Variants in CAPZA1 observed in about 807,000 individuals in gnomAD.
CAPZA1 encodes F-actin-capping protein subunit alpha-1.
Under a neutral mutation model 40.8 loss-of-function variants are expected in CAPZA1, and 10 were observed. That is an observed-to-expected ratio of 0.25 (90% CI 0.15 to 0.42). CAPZA1 has a LOEUF of 0.42. Ranked by LOEUF, CAPZA1 falls within the 10% of genes least tolerant of loss-of-function variation. CAPZA1 has a pLI of 1.00. For synonymous variants in CAPZA1, 98 were observed against 115.0 expected, an observed-to-expected ratio of 0.85 and a Z score of 0.95; for missense variants, 277 against 353.8, an observed-to-expected ratio of 0.78 and a Z score of 1.74.
At chr1:112,665,516 T>TATACCTTAGCAGAA in intron 7 of CAPZA1, among the ~76,000 whole-genome samples, 1 of 152,142 alleles carries the variant, frequency 6.6e-6, no homozygotes, top group Non-Finnish European at 1.5e-5. Context: ...CTTAGACTGG[T>TATACCTTAGCAGAA]ATACCTTAGC....
chr1:112,625,685 A>G (rs1418027173), intron 1 of CAPZA1, among the ~76,000 whole-genome samples: 1 of 152,198 alleles, frequency 6.6e-6, no homozygotes, highest in Non-Finnish European at 1.5e-5. Context: ...ACCCAGAAAC[A>G]TTGTGTTCAC....
chr1:112,636,809 T>C (rs1671029759), intron 1 of CAPZA1, among the ~76,000 whole-genome samples: 1 of 152,222 alleles, frequency 6.6e-6, no homozygotes, highest in South Asian at 2.1e-4. Flanking sequence ...ATCTGTATTG[T>C]AGCAAAGATA....
intron 1 of CAPZA1, among the ~76,000 whole-genome samples, chr1:112,635,142 G>A (rs1670990315): frequency 6.6e-6 from 1 of 152,094 alleles, no homozygotes; most frequent in Non-Finnish European, 1.5e-5. Flanking sequence ...TATTTTAGGT[G>A]CTATGATAAG....
intron 1 of CAPZA1, among the ~76,000 whole-genome samples, chr1:112,621,484 T>G (rs1013085845): frequency 1.3e-5 from 2 of 152,156 alleles, no homozygotes; most frequent in Non-Finnish European, 2.9e-5. Flanking sequence ...ACTCTTGGGC[T>G]CAAACGATCC....
At chr1:112,666,896 G>T in intron 7 of CAPZA1, 178 bp from the exon 8 acceptor site, 1 of 550,426 alleles carries the variant, frequency 1.8e-6, no homozygotes, top group South Asian at 2.6e-5. Context: ...TTAAACTTAA[G>T]TGTTCTGTGG....
intron 3 of CAPZA1, among the ~76,000 whole-genome samples, chr1:112,651,713 TA>T (rs1437033058): frequency 7.2e-5 from 11 of 151,916 alleles, no homozygotes; most frequent in African/African-American, 2.7e-4. Flanking sequence ...TTTTTTAAAC[TA>T]ACATTTATTC....
chr1:112,658,551 CT>C (rs1480526826), intron 5 of CAPZA1, among the ~76,000 whole-genome samples: 3 of 152,184 alleles, frequency 2.0e-5, no homozygotes, highest in Non-Finnish European at 4.4e-5. Flanking sequence ...TCATGTTTTG[CT>C]GTCTCTCCAT....
intron 1 of CAPZA1, among the ~76,000 whole-genome samples, chr1:112,635,157 C>A (rs1670990539): frequency 6.6e-6 from 1 of 152,032 alleles, no homozygotes; most frequent in African/African-American, 2.4e-5. Context: ...GATAAGCATT[C>A]AAATACACTT....
At chr1:112,667,924 T>TCTTA (rs1671756085) in intron 8 of CAPZA1, among the ~76,000 whole-genome samples, 2 of 152,148 alleles carry the variant, frequency 1.3e-5, no homozygotes, top group African/African-American at 4.8e-5. Flanking sequence ...TAGAAGTTAT[T>TCTTA]GAGTACCCCC....
intron 1 of CAPZA1, among the ~76,000 whole-genome samples, chr1:112,623,767 C>T (rs1670734574): frequency 6.6e-6 from 1 of 150,982 alleles, no homozygotes; most frequent in South Asian, 2.1e-4. Flanking sequence ...GCGGGTGGAT[C>T]ACGAGGTCAG....
intron 4 of CAPZA1, among the ~76,000 whole-genome samples, 179 bp downstream of exon 4, chr1:112,653,840 A>G (rs1438889313): frequency 1.3e-5 from 2 of 152,202 alleles, no homozygotes; most frequent in Non-Finnish European, 2.9e-5. Context: ...AGTTTCTTTG[A>G]CAAGAAAGGA....
intron 6 of CAPZA1, 44 bp downstream of exon 6, chr1:112,659,145 A>G (rs765448860): frequency 1.5e-6 from 2 of 1,311,956 alleles, no homozygotes; most frequent in South Asian, 2.4e-5. Context: ...GAAAGAAACC[A>G]GCAGTTGAGA....
chr1:112,669,479 C>T, intron 8 of CAPZA1, 64 bp from the exon 9 acceptor site: 1 of 1,112,268 alleles, frequency 9.0e-7, no homozygotes, highest in Non-Finnish European at 1.4e-6. Context: ...GACTTACTTT[C>T]AGGATCTTAC....
intron 5 of CAPZA1, among the ~76,000 whole-genome samples, chr1:112,656,766 G>C (rs1671507765): frequency 6.6e-6 from 1 of 151,910 alleles, no homozygotes; most frequent in African/African-American, 2.4e-5. Context: ...GTCTTCAGCT[G>C]ACCTGCTTAG....
At chr1:112,656,984 C>T (rs551725145) in intron 5 of CAPZA1, among the ~76,000 whole-genome samples, 4 of 151,560 alleles carry the variant, frequency 2.6e-5, no homozygotes, top group African/African-American at 4.8e-5. Flanking sequence ...TCACTGCAAC[C>T]TCCCCTTCCT....
intron 8 of CAPZA1, among the ~76,000 whole-genome samples, chr1:112,668,455 A>T (rs1671768718): frequency 6.6e-6 from 1 of 152,204 alleles, no homozygotes; most frequent in African/African-American, 2.4e-5. Flanking sequence ...GTGTATTAAA[A>T]GATGGCGGAC....
intron 1 of CAPZA1, among the ~76,000 whole-genome samples, chr1:112,624,347 G>A (rs569520359): frequency 3.9e-5 from 6 of 152,150 alleles, no homozygotes; most frequent in Admixed American, 2.0e-4. Context: ...GATGGCTCAC[G>A]CTCGTAATCC....
chr1:112,657,746 C>T (rs1171828740), intron 5 of CAPZA1, among the ~76,000 whole-genome samples: 1 of 152,106 alleles, frequency 6.6e-6, no homozygotes, highest in Non-Finnish European at 1.5e-5. Context: ...TGCCCACCAC[C>T]ACACCTGGCT....
At chr1:112,645,461 C>A (rs1671261399) in intron 1 of CAPZA1, among the ~76,000 whole-genome samples, 1 of 151,862 alleles carries the variant, frequency 6.6e-6, no homozygotes, top group African/African-American at 2.4e-5. Flanking sequence ...CCTCTCTCTG[C>A]AGAAAATTAA....
Sources: gnomAD v4.1 joint callset for allele counts (sites outside exome capture counted in the v4.1 genomes callset) on GRCh38, gnomAD v4.1.1 for gene constraint, MANE v1.5 for transcripts, NCBI Gene and HGNC (gene_info 2026-07-23, HGNC 2026-07-21) for gene names.